Variants in MAML2 observed in about 807,000 individuals in gnomAD.
The protein encoded by MAML2 is mastermind-like protein 2.
MAML2 carries 22 observed loss-of-function variants against 96.1 expected under a neutral mutation model. That is an observed-to-expected ratio of 0.23 (90% CI 0.16 to 0.33). MAML2 has a LOEUF of 0.33. MAML2 is among the 10% of genes least tolerant of loss of function. MAML2 has a pLI of 1.00. For missense variants in MAML2, 1,367 were observed against 1,392.4 expected (o/e 0.98, Z 0.29); for synonymous variants, 561 against 521.3 (o/e 1.08, Z -1.04).
intron 1 of MAML2, among the ~76,000 whole-genome samples, chr11:96,199,169 C>T (rs533180630): frequency 6.6e-4 from 88 of 132,644 alleles, no homozygotes; most frequent in African/African-American, 2.3e-3. Flanking sequence ...TGCACTCCAG[C>T]CTGGGCAACA....
At position 96,148,967 on chromosome 11, in the gene MAML2, A is replaced by G. The variant is rs78564488; in HGVS notation, c.514-55450T>C. On this transcript the variant is annotated intron_variant, in intron 1 of 4. Transcript: ENST00000524717. ...TGATTTCTGAATCCTGACCTCACATATAGCCCTATTGCTTAAGGCGGCATC... is the reference window on the plus strand; with the variant it reads ...TGATTTCTGAATCCTGACCTCACATGTAGCCCTATTGCTTAAGGCGGCATC... 2.8e-4 allele frequency among the ~76,000 whole-genome samples: 42 copies of G among 152,340 alleles called. 1 individual carries two copies. In the East Asian group the frequency reaches 6.8e-3, roughly 25 times the overall value.
Position 96,046,491 on chromosome 11 carries a change from C to G in MAML2, c.2139+45401G>C, listed in dbSNP as rs144891489. Among the ~76,000 whole-genome samples, 532 of 152,152 alleles carry G rather than the reference C, an allele frequency of 3.5e-3. 4 individuals carry two copies. The highest frequency in any genetic ancestry group is 5.1e-3 in the Non-Finnish European group (344 of 68,006). On this transcript the variant is annotated intron_variant, in intron 2 of 4. Coordinates refer to ENST00000524717, the MANE Select transcript of MAML2 (RefSeq NM_032427.4). ...TTTTTACCTCAGATACTGTAAGATA[C>G]GAGTTACCTTCAAATTAAAGGTAAT...
chr11:96,023,401 A>T (rs749972150), intron 2 of MAML2, among the ~76,000 whole-genome samples: 4 of 152,186 alleles, frequency 2.6e-5, no homozygotes, highest in Non-Finnish European at 5.9e-5. Context: ...TGCCGAGCCC[A>T]GCCTTACCGC....
chr11:96,331,354 AT>A (rs1254497470), intron 1 of MAML2, among the ~76,000 whole-genome samples: 1 of 152,102 alleles, frequency 6.6e-6, no homozygotes, highest in Admixed American at 6.5e-5. Context: ...AAAATACCAA[AT>A]TTCCCCTAAC....
rs59584886 is a variant in MAML2 at position 95,993,107 on chromosome 11, A to C, written c.2140-1384T>G. Among the ~76,000 whole-genome samples the C allele has an allele frequency of 6.5e-3, 983 of 151,612 alleles. 13 individuals are homozygous for C. The highest frequency in any genetic ancestry group is 0.021 in the African/African-American group (852 of 41,358). On this transcript the variant is annotated intron_variant, in intron 2 of 4. Transcript: ENST00000524717. ...AAATTTTTTTTAGAGACGGGGTCTT[A>C]CTATGTTGCCCAGGCTGGTCTCAAA...
intron 1 of MAML2, among the ~76,000 whole-genome samples, chr11:96,304,657 C>T (rs1863439566): frequency 6.6e-6 from 1 of 152,130 alleles, no homozygotes; most frequent in South Asian, 2.1e-4. Context: ...GTCCTAATTT[C>T]CTCGGTAACT....
chr11:96,262,179 G>A (rs1862759157), intron 1 of MAML2, among the ~76,000 whole-genome samples: 1 of 152,192 alleles, frequency 6.6e-6, no homozygotes, highest in Non-Finnish European at 1.5e-5. Context: ...GGAAATAGGT[G>A]TCACTGAGAC....
chr11:96,074,130 T>G (rs1353853138), intron 2 of MAML2, among the ~76,000 whole-genome samples: 1 of 152,176 alleles, frequency 6.6e-6, no homozygotes, highest in Non-Finnish European at 1.5e-5. Flanking sequence ...CAAATCCATG[T>G]CCGCTTCCAT....
intron 1 of MAML2, among the ~76,000 whole-genome samples, chr11:96,143,784 C>G (rs1860770983): frequency 6.6e-6 from 1 of 152,166 alleles, no homozygotes; most frequent in African/African-American, 2.4e-5. Flanking sequence ...ATCTCCACCT[C>G]CAGGAGCCCC....
intron 1 of MAML2, among the ~76,000 whole-genome samples, chr11:96,262,687 T>G (rs1472933960): frequency 6.6e-6 from 1 of 152,174 alleles, no homozygotes; most frequent in Admixed American, 6.5e-5. Flanking sequence ...GCCAGGATGG[T>G]CTGGATCTCC....
intron 1 of MAML2, among the ~76,000 whole-genome samples, chr11:96,169,521 C>T (rs944731483): frequency 2.0e-5 from 3 of 152,180 alleles, no homozygotes; most frequent in Non-Finnish European, 4.4e-5. Context: ...CTGGTCACGT[C>T]CTGGGACGCA....
chr11:96,260,875 T>C (rs1862740193), intron 1 of MAML2, among the ~76,000 whole-genome samples: 1 of 152,210 alleles, frequency 6.6e-6, no homozygotes, highest in Non-Finnish European at 1.5e-5. Flanking sequence ...AAAGGTTGTT[T>C]TTTTGTTTTG....
At chr11:95,982,375 T>C (rs947182301) in intron 4 of MAML2, among the ~76,000 whole-genome samples, 6 of 139,486 alleles carry the variant, frequency 4.3e-5, no homozygotes, top group African/African-American at 1.5e-4. Context: ...AAAAACCACA[T>C]TCCCCAAACT....
At chr11:96,077,153 C>A (rs545338557) in intron 2 of MAML2, among the ~76,000 whole-genome samples, 44 of 149,524 alleles carry the variant, frequency 2.9e-4, no homozygotes, top group Non-Finnish European at 5.2e-4. Context: ...CATTTTTTGG[C>A]TCAAATTTCC....
At position 96,092,173 on chromosome 11, in the gene MAML2, G is replaced by C; in HGVS notation, c.1858C>G (p.Gln620Glu). 6.5e-7 allele frequency: 1 copy of C among 1,541,086 alleles called. No individual in the cohort carries two copies. The highest frequency in any genetic ancestry group is 1.4e-5 in the African/African-American group (1 of 71,788). The change falls in exon 2 of 5, where the codon CAG becomes GAG. Residue 620 changes from glutamine to glutamate, a missense_variant. Physicochemically the swap from Gln to Glu is conservative, Grantham distance 29. Transcript: ENST00000524717. The surrounding 1 kb of genome is among the most constrained non-coding windows in gnomAD (Gnocchi z 4.1). ...QQQQQQQQQQQQSSISAQQQQ... is the reference protein window; with the variant it reads ...QQQQQQQQQQEQSSISAQQQQ... ...TGTTGAGCTGAAATTGAACTCTGCT[G>C]TTGCTGTTGCTGTTGCTGTTGCTGC... is the stretch of plus-strand genomic sequence containing the variant.
At chr11:95,986,354 C>G (rs950814182) in intron 3 of MAML2, among the ~76,000 whole-genome samples, 1 of 152,010 alleles carries the variant, frequency 6.6e-6, no homozygotes, top group African/African-American at 2.4e-5. Context: ...CCCGCCATCA[C>G]GCCCAGCAAA....
intron 1 of MAML2, among the ~76,000 whole-genome samples, chr11:96,233,346 A>C (rs1433257611): frequency 6.7e-5 from 3 of 44,936 alleles, no homozygotes; most frequent in Non-Finnish European, 1.3e-4. Flanking sequence ...TAAAAATGCA[A>C]CATTTATGTC....
chr11:96,259,836 A>G (rs1862723516), intron 1 of MAML2, among the ~76,000 whole-genome samples: 2 of 152,156 alleles, frequency 1.3e-5, no homozygotes, highest in Admixed American at 1.3e-4. Flanking sequence ...AATGTGAATG[A>G]CAGGGCCTGA....
intron 1 of MAML2, among the ~76,000 whole-genome samples, chr11:96,134,668 T>A (rs1860599246): frequency 6.6e-6 from 1 of 152,248 alleles, no homozygotes; most frequent in Non-Finnish European, 1.5e-5. Flanking sequence ...TATAATAATA[T>A]TCTCTACTTT....
Sources: gnomAD v4.1 joint callset for allele counts (sites outside exome capture counted in the v4.1 genomes callset) on GRCh38, gnomAD v4.1.1 for gene constraint, Gnocchi (gnomAD v3.1) non-coding constraint, MANE v1.5 for transcripts, NCBI Gene and HGNC (gene_info 2026-07-23, HGNC 2026-07-21) for gene names.